PRIM1: variants seen among roughly 807,000 people sequenced by gnomAD.
PRIM1 encodes the protein DNA primase small subunit.
A neutral mutation model predicts 60.2 loss-of-function variants in PRIM1; 38 were observed. The observed-to-expected ratio is 0.63, with a 90% confidence interval of 0.49 to 0.83. PRIM1 has a LOEUF of 0.83. PRIM1 is among the 40% of genes least tolerant of loss of function. The pLI is 0.00. For missense variants in PRIM1, 388 were observed against 506.2 expected, an observed-to-expected ratio of 0.77 and a Z score of 2.24; for synonymous variants, 158 against 160.2, an observed-to-expected ratio of 0.99 and a Z score of 0.10.
In PRIM1 at chr12:56,739,000, T is replaced by C. The variant is rs1458140251; in HGVS notation, c.1052+294A>G. Among the ~76,000 whole-genome samples the C allele has an allele frequency of 2.0e-5, 3 of 152,376 alleles. No individual in the cohort carries two copies. The East Asian group carries it at 5.8e-4, about 29-fold the overall frequency. ...CATGATCTCTTCTTGGAGTTTTTCA[T>C]GCATATTATCATATGAAAGACTGTG... On this transcript the variant is annotated intron_variant, in intron 10 of 12. Transcript: ENST00000338193.
At chr12:56,736,124 C>G (rs1374952575) in intron 11 of PRIM1, among the ~76,000 whole-genome samples, 3 of 149,640 alleles carry the variant, frequency 2.0e-5, no homozygotes, top group Non-Finnish European at 4.5e-5. Flanking sequence ...ATGGAGAAAC[C>G]CTGTCTCTAG....
chr12:56,742,146 T>G, intron 7 of PRIM1: 1 of 330,524 alleles, frequency 3.0e-6, no homozygotes, highest in Non-Finnish European at 5.7e-6. Context: ...CTAGCTACTC[T>G]GGAGGCTGAG....
intron 5 of PRIM1, among the ~76,000 whole-genome samples, chr12:56,745,322 G>A (rs1953898821): frequency 6.6e-6 from 1 of 151,006 alleles, no homozygotes. Context: ...GAGGTAGAAG[G>A]GTCACTTGAG....
At chr12:56,741,110 A>G (rs527280118) in intron 9 of PRIM1, among the ~76,000 whole-genome samples, 1 of 152,220 alleles carries the variant, frequency 6.6e-6, no homozygotes, top group South Asian at 2.1e-4. Flanking sequence ...TACCACATAC[A>G]GTCACACACA....
rs66861394 is a variant in PRIM1, at chr12:56,751,966, G to GTT, written c.103+228_103+229dup. 7.1e-3 allele frequency among the ~76,000 whole-genome samples: 567 copies of GTT among 79,332 alleles called. 15 individuals are homozygous for GTT. The highest frequency in any genetic ancestry group is 0.02 in the Middle Eastern group (3 of 152). The allele number at this position is 79,332 out of a possible 152,430, so 52.0% of individuals were successfully genotyped here. On this transcript the variant is annotated intron_variant, in intron 1 of 12. Coordinates refer to ENST00000338193, the MANE Select transcript of PRIM1 (RefSeq NM_000946.3). ...ACGCAGAGGTAGGAGCGGCGGCTCT[G>GTT]TTTTTTTTTTTTTTTTTTTTTTTTT...
chr12:56,751,437 C>T (rs911086658), intron 1 of PRIM1: 5 of 269,920 alleles, frequency 1.9e-5, no homozygotes, highest in Non-Finnish European at 3.5e-5. Context: ...GCATGCGACC[C>T]ACCATGCCCA....
intron 7 of PRIM1, among the ~76,000 whole-genome samples, chr12:56,742,302 G>A (rs1275770810): frequency 6.6e-6 from 1 of 151,684 alleles, no homozygotes; most frequent in Non-Finnish European, 1.5e-5. Context: ...AGCTGTATCC[G>A]GCCGGGCACA....
chr12:56,738,827 G>T (rs1034260033), intron 10 of PRIM1, among the ~76,000 whole-genome samples: 5 of 152,194 alleles, frequency 3.3e-5, no homozygotes, highest in Admixed American at 6.6e-5. Context: ...TGGGATTACA[G>T]GCATGAGCCA....
intron 1 of PRIM1, among the ~76,000 whole-genome samples, chr12:56,751,966 GTTTTT>G (rs66861394): frequency 3.8e-5 from 3 of 79,364 alleles, no homozygotes; most frequent in African/African-American, 5.2e-5. Context: ...CGGCGGCTCT[GTTTTT>G]TTTTTTTTTT....
At chr12:56,741,349 T>G in intron 9 of PRIM1, 86 bp downstream of exon 9, 3 of 1,331,066 alleles carry the variant, frequency 2.3e-6, no homozygotes, top group Non-Finnish European at 3.0e-6. Flanking sequence ...ATAGACATTA[T>G]ATATATTCAG....
In PRIM1 at chr12:56,742,982, G is replaced by A. The variant is rs1304943337; in HGVS notation, c.748+5C>T. On this transcript the variant is annotated splice_donor_5th_base_variant and intron_variant, in intron 7 of 12. Coordinates refer to ENST00000338193, the MANE Select transcript of PRIM1 (RefSeq NM_000946.3). ...TCACACAGAAATGATCACGGGAAAG[G>A]ATATTTTCAGGAACAAGGGCTAAAA... 1 of 1,520,266 alleles carries A rather than the reference G, an allele frequency of 6.6e-7. No individual in the cohort carries two copies. The highest frequency in any genetic ancestry group is 1.4e-5 in the African/African-American group (1 of 71,302). The allele number at this position is 1,520,266 out of a possible 1,614,324, so 94.2% of individuals were successfully genotyped here.
At chr12:56,742,600 C>A (rs1236414980) in intron 7 of PRIM1, among the ~76,000 whole-genome samples, 1 of 151,890 alleles carries the variant, frequency 6.6e-6, no homozygotes, top group Non-Finnish European at 1.5e-5. Flanking sequence ...CAAAAAAACC[C>A]CAAACCAAAC....
chr12:56,739,289 C>A lies in PRIM1; in HGVS notation c.1052+5G>T. 1 of 1,549,256 alleles carries A rather than the reference C, an allele frequency of 6.5e-7. No homozygotes were observed. Among genetic ancestry groups the A allele is most frequent in the African/African-American group, 1.4e-5 (1 of 73,984 alleles). On this transcript the variant is annotated splice_donor_5th_base_variant and intron_variant, in intron 10 of 12. Transcript: ENST00000338193. ...ACAAGGAGTGATCAATGATCTGAAA[C>A]ATACCTTATGGTCGGAACAGTAAAT...
intron 11 of PRIM1, among the ~76,000 whole-genome samples, chr12:56,736,955 A>AC (rs1953837506): frequency 2.7e-5 from 4 of 147,028 alleles, no homozygotes. Context: ...GTCTAGCTAA[A>AC]TTTTTTTTTT....
chr12:56,733,439 GT>G (rs1326571325), intron 12 of PRIM1, among the ~76,000 whole-genome samples: 1 of 150,094 alleles, frequency 6.7e-6, no homozygotes, highest in Non-Finnish European at 1.5e-5. Context: ...GATTACAGGT[GT>G]GAGCCACTGC....
chr12:56,733,319 A>G (rs150338662), intron 12 of PRIM1, among the ~76,000 whole-genome samples: 6,200 of 150,868 alleles, frequency 0.041, 380 homozygotes, highest in African/African-American at 0.14. Flanking sequence ...CACCACACCC[A>G]GCTAATTTTT....
At chr12:56,740,653 C>T (rs189009852) in intron 9 of PRIM1, among the ~76,000 whole-genome samples, 1 of 152,174 alleles carries the variant, frequency 6.6e-6, no homozygotes, top group Admixed American at 6.5e-5. Context: ...GCCTGTAGTA[C>T]CAGCTACTCA....
At position 56,731,616 on chromosome 12, in the gene PRIM1, C is replaced by T. The variant is rs1418117093; in HGVS notation, c.*99G>A. 1 of 1,139,548 alleles carries T rather than the reference C, an allele frequency of 8.8e-7. No homozygotes were observed. Among genetic ancestry groups the T allele is most frequent in the African/African-American group, 1.6e-5 (1 of 62,076 alleles). The allele number at this position is 1,139,548 out of a possible 1,614,324, so 70.6% of individuals were successfully genotyped here. A position where few individuals can be genotyped will look rare whatever the true frequency, so the allele number is the denominator to read the frequency against. ...GGAAAATTTACTTTGAGGTTTAAGA[C>T]ACATATATAGTTCTGCCATATTTAT... On this transcript the variant is annotated 3_prime_UTR_variant, in exon 13 of 13. Transcript: ENST00000338193.
intron 2 of PRIM1, among the ~76,000 whole-genome samples, chr12:56,748,388 G>A (rs11833254): frequency 0.078 from 11,877 of 152,126 alleles, 1,015 homozygotes; most frequent in African/African-American, 0.21. Flanking sequence ...AGCACTTTGG[G>A]AGGCTGAGGC....
Sources: gnomAD v4.1 joint callset for allele counts (sites outside exome capture counted in the v4.1 genomes callset) on GRCh38, gnomAD v4.1.1 for gene constraint, MANE v1.5 for transcripts, NCBI Gene and HGNC (gene_info 2026-07-23, HGNC 2026-07-21) for gene names.